TBC1D19: variants seen among roughly 807,000 people sequenced by gnomAD.
TBC1D19 encodes the protein TBC1 domain family, member 19.
Under a neutral mutation model 89.0 loss-of-function variants are expected in TBC1D19, and 60 were observed. The observed-to-expected ratio is 0.67, with a 90% CI of 0.55 to 0.84. The LOEUF is 0.84. Among genes scored for constraint, TBC1D19 ranks in the 40% least tolerant of loss-of-function variants. The probability of loss-of-function intolerance (pLI) is 0.00; values close to 1 mark genes in which losing one functional copy is unlikely to be tolerated. For synonymous variants in TBC1D19, 189 were observed against 199.7 expected (o/e 0.95, Z 0.45); for missense variants, 500 against 610.8 (o/e 0.82, Z 1.91).
chr4:26,615,345 A>G (rs914162944), intron 3 of TBC1D19, among the ~76,000 whole-genome samples: 2 of 152,164 alleles, frequency 1.3e-5, no homozygotes, highest in African/African-American at 4.8e-5. Context: ...AATACCTACC[A>G]TGTGGCAGCA....
chr4:26,828,359 G>C, the TBC1D19 span, among the ~76,000 whole-genome samples: 4 of 152,194 alleles, frequency 2.6e-5, no homozygotes, highest in African/African-American at 9.6e-5. Flanking sequence ...CTAGAACTCC[G>C]TTACTGGAGC....
intron 7 of TBC1D19, among the ~76,000 whole-genome samples, chr4:26,652,512 A>T (rs919703808): frequency 3.9e-5 from 6 of 152,118 alleles, no homozygotes; most frequent in Non-Finnish European, 1.5e-5. Context: ...GAGAGCTGGG[A>T]TTACAGGCGT....
the TBC1D19 span, among the ~76,000 whole-genome samples, chr4:26,780,546 TCATTTCC>T: frequency 6.4e-4 from 97 of 152,272 alleles, no homozygotes; most frequent in African/African-American, 2.2e-3. Flanking sequence ...AGGAAAAACT[TCATTTCC>T]CAGATGAGGT....
chr4:26,606,349 C>A (rs180784083), intron 1 of TBC1D19, among the ~76,000 whole-genome samples: 36 of 152,242 alleles, frequency 2.4e-4, no homozygotes, highest in African/African-American at 8.7e-4. Context: ...TTGAAGAACC[C>A]AGGAATATAT....
chr4:26,689,430 T>G (rs2109161892), intron 13 of TBC1D19, among the ~76,000 whole-genome samples: 1 of 152,286 alleles, frequency 6.6e-6, no homozygotes, highest in South Asian at 2.1e-4. Flanking sequence ...CTCAGTAAAT[T>G]TTTGAATATA....
At chr4:26,730,931 A>C (rs1159872206) in intron 15 of TBC1D19, among the ~76,000 whole-genome samples, 3 of 152,202 alleles carry the variant, frequency 2.0e-5, no homozygotes, top group African/African-American at 7.2e-5. Context: ...AGTCTTGGGT[A>C]CCTTGGATGT....
chr4:26,678,755 C>G (rs539004287), intron 11 of TBC1D19, among the ~76,000 whole-genome samples: 1 of 152,206 alleles, frequency 6.6e-6, no homozygotes, highest in African/African-American at 2.4e-5. Flanking sequence ...GATCTTTGAG[C>G]TCACTAGGAA....
the TBC1D19 span, among the ~76,000 whole-genome samples, chr4:26,779,396 A>T: frequency 4.4e-4 from 67 of 152,332 alleles, 1 homozygote; most frequent in East Asian, 0.011. Context: ...GGGCAGACCC[A>T]CCTAGGTGTG....
the TBC1D19 span, among the ~76,000 whole-genome samples, chr4:26,788,195 G>A: frequency 4.6e-5 from 7 of 152,102 alleles, no homozygotes; most frequent in Non-Finnish European, 1.0e-4. Context: ...GAGGGGCTGT[G>A]CTTTACCACC....
At chr4:26,738,975 A>G (rs1235819983) in intron 16 of TBC1D19, among the ~76,000 whole-genome samples, 2 of 152,188 alleles carry the variant, frequency 1.3e-5, no homozygotes, top group Non-Finnish European at 2.9e-5. Context: ...CTTGTCCAAT[A>G]CATATTGTTT....
At chr4:26,586,495 A>G (rs529155228) in intron 1 of TBC1D19, among the ~76,000 whole-genome samples, 1 of 152,270 alleles carries the variant, frequency 6.6e-6, no homozygotes, top group African/African-American at 2.4e-5. Flanking sequence ...ATAAATTACT[A>G]CAAAAATTGT....
intron 1 of TBC1D19, among the ~76,000 whole-genome samples, chr4:26,588,471 T>G (rs982103471): frequency 6.6e-6 from 1 of 152,160 alleles, no homozygotes; most frequent in Admixed American, 6.5e-5. Flanking sequence ...TGCTTTGGAT[T>G]TAATTTGCAT....
At chr4:26,744,508 C>T (rs1718539891) in intron 18 of TBC1D19, among the ~76,000 whole-genome samples, 1 of 151,694 alleles carries the variant, frequency 6.6e-6, no homozygotes, top group Admixed American at 6.6e-5. Flanking sequence ...CTAATATAAG[C>T]ATTAATGTTA....
At chr4:26,830,618 G>A in the TBC1D19 span, among the ~76,000 whole-genome samples, 1 of 152,132 alleles carries the variant, frequency 6.6e-6, no homozygotes, top group Non-Finnish European at 1.5e-5. Flanking sequence ...CAATTCAGAG[G>A]CTCTCAAAGT....
rs138096065 is a variant in TBC1D19, at chr4:26,730,482, A to C, written c.1085-4973A>C. Among the ~76,000 whole-genome samples, 227 of 152,322 alleles carry C rather than the reference A, an allele frequency of 1.5e-3. 2 individuals carry two copies. Among genetic ancestry groups the C allele is most frequent in the African/African-American group, 5.2e-3 (215 of 41,568 alleles). On this transcript the variant is annotated intron_variant, in intron 15 of 20. Coordinates refer to ENST00000264866, the MANE Select transcript of TBC1D19 (RefSeq NM_018317.4). ...GATTGTTGAAGGCAAGTTTCTCTCC[A>C]ACCTTTGCAGGGCCCAGAGCAGAAG...
At chr4:26,807,329 A>G in the TBC1D19 span, among the ~76,000 whole-genome samples, 4 of 152,092 alleles carry the variant, frequency 2.6e-5, no homozygotes, top group African/African-American at 9.7e-5. Flanking sequence ...CCAAGGAGGG[A>G]AGAAGGCCTT....
At chr4:26,634,907 C>T (rs1468503673) in intron 4 of TBC1D19, among the ~76,000 whole-genome samples, 1 of 152,054 alleles carries the variant, frequency 6.6e-6, no homozygotes, top group African/African-American at 2.4e-5. Context: ...CAGTTCAAGC[C>T]TATGTTGTTC....
intron 5 of TBC1D19, among the ~76,000 whole-genome samples, chr4:26,638,070 A>T (rs902806958): frequency 2.0e-5 from 3 of 152,050 alleles, no homozygotes; most frequent in Admixed American, 6.5e-5. Flanking sequence ...TTCTATTTAG[A>T]TCTAATACTC....
At chr4:26,806,979 C>T in the TBC1D19 span, among the ~76,000 whole-genome samples, 439 of 152,286 alleles carry the variant, frequency 2.9e-3, 3 homozygotes, top group Middle Eastern at 6.8e-3. Flanking sequence ...AGGTTTAAGC[C>T]GCCTAGTTGT....
Sources: allele counts gnomAD v4.1 joint callset (sites outside exome capture counted in the v4.1 genomes callset), GRCh38; gene constraint gnomAD v4.1.1; transcripts MANE v1.5; gene names NCBI Gene and HGNC (gene_info 2026-07-23, HGNC 2026-07-21).